The following KANSL1 variants were observed in gnomAD, a reference collection of about 807,000 sequenced individuals.
KANSL1 encodes the protein KAT8 regulatory NSL complex subunit 1.
In KANSL1, 22 loss-of-function variants were observed where a neutral mutation model predicts 103.6. That is an observed-to-expected ratio of 0.21 (90% CI 0.15 to 0.30). The LOEUF (loss-of-function observed/expected upper bound fraction) is 0.30. Ranked by LOEUF, KANSL1 falls within the 10% of genes least tolerant of loss-of-function variation. The probability of loss-of-function intolerance (pLI) is 1.00; values close to 1 mark genes in which losing one functional copy is unlikely to be tolerated. For missense variants in KANSL1, 1,337 were observed against 1,399.8 expected (o/e 0.96, Z 0.72); for synonymous variants, 600 against 527.6 (o/e 1.14, Z -1.88).
chr17:46,201,376 A>G (rs17664048), intron 1 of KANSL1, among the ~76,000 whole-genome samples: 21,957 of 152,224 alleles, frequency 0.14, 2,139 homozygotes, highest in Non-Finnish European at 0.22. Flanking sequence ...AAAATCAGAT[A>G]TACTTTTGTT....
upstream of KANSL1, among the ~76,000 whole-genome samples, chr17:46,198,851 A>G (rs1220467907): frequency 1.3e-5 from 2 of 152,254 alleles, no homozygotes; most frequent in Admixed American, 6.5e-5. Context: ...GATTATTTAC[A>G]ATCATAAATC....
intron 1 of KANSL1, among the ~76,000 whole-genome samples, chr17:46,172,704 A>C (rs1217895402): frequency 6.6e-6 from 1 of 152,216 alleles, no homozygotes; most frequent in Non-Finnish European, 1.5e-5. Flanking sequence ...CTGGCCAGGG[A>C]ATCCAGTTTT....
At chr17:46,082,248 G>A (rs2146824012) in intron 4 of KANSL1, among the ~76,000 whole-genome samples, 193 bp downstream of exon 4, 1 of 152,238 alleles carries the variant, frequency 6.6e-6, no homozygotes, top group South Asian at 2.1e-4. Context: ...CCTATGGTCA[G>A]CTACACAGCT....
intron 1 of KANSL1, among the ~76,000 whole-genome samples, chr17:46,216,583 A>G (rs1043400152): frequency 2.7e-5 from 4 of 149,900 alleles, no homozygotes; most frequent in African/African-American, 9.8e-5. Flanking sequence ...TGGGCAAAAG[A>G]GCAAGACTCC....
intron 3 of KANSL1, chr17:46,094,337 T>G (rs1396163112): frequency 5.4e-6 from 3 of 553,272 alleles, no homozygotes; most frequent in Non-Finnish European, 9.2e-6. Context: ...GCTCAAATGA[T>G]CCTCCTGCCT....
intron 1 of KANSL1, among the ~76,000 whole-genome samples, chr17:46,215,878 T>C (rs2048324405): frequency 6.6e-6 from 1 of 151,710 alleles, no homozygotes; most frequent in Non-Finnish European, 1.5e-5. Flanking sequence ...CCATCTCTAC[T>C]AAAAATACAA....
At chr17:46,106,250 C>A (rs17576989) in intron 2 of KANSL1, among the ~76,000 whole-genome samples, 21,633 of 151,918 alleles carry the variant, frequency 0.14, 2,118 homozygotes, top group Non-Finnish European at 0.22. Flanking sequence ...AGAAATCAAA[C>A]AAGTTCCAAC....
In KANSL1 at chr17:46,100,444, C is replaced by CAAAAAAA. The variant is rs369274727; in HGVS notation, c.1290-5750_1290-5744dup. 9.1e-5 allele frequency among the ~76,000 whole-genome samples: 8 copies of CAAAAAAA among 88,264 alleles called. 1 individual carries two copies. Among genetic ancestry groups the CAAAAAAA allele is most frequent in the Non-Finnish European group, 1.7e-4 (7 of 42,386 alleles). The allele number at this position is 88,264 out of a possible 152,430, so 57.9% of individuals were successfully genotyped here. A position where few individuals can be genotyped will look rare whatever the true frequency, so the allele number is the denominator to read the frequency against. ...ACAACAGAGTGAGACTCCCTCTCCCCAAAAAAAAAAAAAAAAAGCGCCCTC... is the reference window on the plus strand; with the variant it reads ...ACAACAGAGTGAGACTCCCTCTCCCCAAAAAAAAAAAAAAAAAAAAAAAAGCGCCCTC... On this transcript the variant is annotated intron_variant, in intron 2 of 14. Coordinates refer to ENST00000432791, the MANE Select transcript of KANSL1 (RefSeq NM_015443.4).
intron 2 of KANSL1, among the ~76,000 whole-genome samples, chr17:46,143,673 G>A (rs570592475): frequency 4.0e-5 from 6 of 149,624 alleles, no homozygotes; most frequent in South Asian, 2.1e-4. Flanking sequence ...GCGTTGTGGC[G>A]GGCGCCTGTA....
At chr17:46,129,487 T>A (rs753195971) in intron 2 of KANSL1, among the ~76,000 whole-genome samples, 2 of 152,206 alleles carry the variant, frequency 1.3e-5, no homozygotes, top group Non-Finnish European at 2.9e-5. Context: ...AGTTACAAGA[T>A]TGGCTACACC....
At chr17:46,034,095 G>A (rs2077084711) in intron 11 of KANSL1, 66 bp downstream of exon 11, 2 of 1,587,114 alleles carry the variant, frequency 1.3e-6, no homozygotes, top group Admixed American at 1.7e-5. Flanking sequence ...TTGGTCAGAA[G>A]AGAAGAGGGA....
At chr17:46,054,434 T>C (rs1183240302) in intron 6 of KANSL1, among the ~76,000 whole-genome samples, 2 of 152,154 alleles carry the variant, frequency 1.3e-5, no homozygotes, top group Admixed American at 6.6e-5. Flanking sequence ...GTCACTATCT[T>C]TTCTCAAATG....
intron 1 of KANSL1, among the ~76,000 whole-genome samples, chr17:46,206,514 C>T (rs2047974862): frequency 6.6e-6 from 1 of 152,204 alleles, no homozygotes. Flanking sequence ...TTGCTTGAGG[C>T]CAGGAGTTTG....
intron 14 of KANSL1, 68 bp from the exon 15 acceptor site, chr17:46,031,771 G>A: frequency 7.1e-7 from 1 of 1,405,892 alleles, no homozygotes; most frequent in East Asian, 2.4e-5. Flanking sequence ...CCAAGGCCCT[G>A]CCACAAACCT....
At chr17:46,139,003 T>C (rs2044288061) in intron 2 of KANSL1, among the ~76,000 whole-genome samples, 1 of 152,234 alleles carries the variant, frequency 6.6e-6, no homozygotes. Context: ...CACAAGACTA[T>C]TACCATTACA....
At chr17:46,164,091 A>T (rs2045879585) in intron 2 of KANSL1, among the ~76,000 whole-genome samples, 1 of 152,266 alleles carries the variant, frequency 6.6e-6, no homozygotes, top group African/African-American at 2.4e-5. Context: ...CTTCTTGAGG[A>T]TACAAACTTA....
upstream of KANSL1, among the ~76,000 whole-genome samples, chr17:46,198,235 C>G (rs12940250): frequency 6.6e-6 from 1 of 152,230 alleles, no homozygotes; most frequent in East Asian, 1.9e-4. Flanking sequence ...AGTACGTATT[C>G]TGCTCTGTAA....
chr17:46,033,618 G>A (rs879182944), intron 11 of KANSL1, 158 bp from the exon 12 acceptor site: 4 of 651,464 alleles, frequency 6.1e-6, no homozygotes, highest in Non-Finnish European at 1.1e-5. Context: ...TCCCTACCCT[G>A]TCAAGGCCTG....
At chr17:46,205,578 G>A (rs544706486) in intron 1 of KANSL1, among the ~76,000 whole-genome samples, 100 of 151,784 alleles carry the variant, frequency 6.6e-4, no homozygotes, top group Non-Finnish European at 1.3e-3. Flanking sequence ...CTACTCAGGA[G>A]GCTGAGGCAG....
Sources: allele counts gnomAD v4.1 joint callset (sites outside exome capture counted in the v4.1 genomes callset), GRCh38; gene constraint gnomAD v4.1.1; transcripts MANE v1.5; gene names NCBI Gene and HGNC (gene_info 2026-07-23, HGNC 2026-07-21).